LTF: variants seen among roughly 807,000 people sequenced by gnomAD.
LTF encodes lactotransferrin, also known as epididymis luminal protein 110.
In LTF, 91 loss-of-function variants were observed where a neutral mutation model predicts 87.2. That is an observed-to-expected ratio of 1.04 (90% CI 0.88 to 1.24). The LOEUF (loss-of-function observed/expected upper bound fraction) is 1.24, where lower values mean the gene tolerates loss of function less well. LTF is among the 50% of genes most tolerant of loss of function. The pLI is 0.00. For synonymous variants in LTF, 378 were observed against 356.1 expected (o/e 1.06, Z -0.69); for missense variants, 901 against 904.3 (o/e 1.00, Z 0.05).
At chr3:46,457,772 C>G (rs984137037) in intron 2 of LTF, among the ~76,000 whole-genome samples, 1 of 151,856 alleles carries the variant, frequency 6.6e-6, no homozygotes, top group African/African-American at 2.4e-5. Context: ...ACATTTTTTC[C>G]AATTTGGGTT....
intron 16 of LTF, 116 bp from the exon 17 acceptor site, chr3:46,436,345 T>C: frequency 4.4e-6 from 4 of 917,906 alleles, no homozygotes; most frequent in Non-Finnish European, 7.1e-6. Flanking sequence ...CTCCCATCAC[T>C]GAGTCAGTGC....
rs917814321 is a variant in LTF, at chr3:46,455,821, C to A, written c.474G>T (p.Thr158=). 1.9e-6 allele frequency: 3 copies of A among 1,588,514 alleles called. No homozygotes were observed. Among genetic ancestry groups the A allele is most frequent in the Non-Finnish European group, 2.6e-6 (3 of 1,167,504 alleles). ...CTGCCTCAATGGGCTCAGGTGGACC[C>A]GTCCAATTCAAGAATGGACGAAGTG... is the stretch of plus-strand genomic sequence containing the variant. The part of the protein sequence containing the change: ...IGTLRPFLNW[T]GPPEPIEAAV... The change falls in exon 4 of 17, where the codon ACG becomes ACT. Residue 158 remains threonine (T), a synonymous_variant. Transcript: ENST00000231751.
At chr3:46,474,182 AC>A (rs1454246669) in intron 1 of LTF, among the ~76,000 whole-genome samples, 1 of 152,222 alleles carries the variant, frequency 6.6e-6, no homozygotes, top group East Asian at 1.9e-4. Context: ...GGATTAAAAA[AC>A]ATAACCCAGC....
intron 15 of LTF, 140 bp downstream of exon 15, chr3:46,439,156 A>T: frequency 1.3e-6 from 1 of 762,628 alleles, no homozygotes; most frequent in East Asian, 2.7e-5. Flanking sequence ...ACGCCACAGC[A>T]TGAAGCCAAT....
upstream of LTF, among the ~76,000 whole-genome samples, chr3:46,467,060 C>T (rs1262805901): frequency 6.6e-6 from 1 of 152,158 alleles, no homozygotes; most frequent in African/African-American, 2.4e-5. Flanking sequence ...GACTGTTTTC[C>T]TGCTGTGCCT....
chr3:46,477,612 T>C (rs1466597113), intron 1 of LTF, among the ~76,000 whole-genome samples: 2 of 152,214 alleles, frequency 1.3e-5, no homozygotes, highest in African/African-American at 4.8e-5. Flanking sequence ...CTCATAAAAT[T>C]GTTAGAACTT....
intron 5 of LTF, 114 bp downstream of exon 5, chr3:46,455,181 C>T: frequency 7.8e-7 from 1 of 1,278,652 alleles, no homozygotes; most frequent in East Asian, 2.3e-5. Flanking sequence ...GGAGAACAGA[C>T]CTCCTCTCGT....
intron 1 of LTF, chr3:46,470,537 G>A (rs576101229): frequency 8.5e-5 from 13 of 152,412 alleles, no homozygotes; most frequent in African/African-American, 3.1e-4. Context: ...GGAGTGAGGA[G>A]GCATGATTTT....
upstream of LTF, among the ~76,000 whole-genome samples, chr3:46,466,670 A>G (rs561828330): frequency 9.1e-4 from 139 of 152,332 alleles, no homozygotes; most frequent in Non-Finnish European, 1.0e-3. Flanking sequence ...TTTTGGGGTG[A>G]CAGATCCAAG....
At chr3:46,452,608 C>T (rs1702830269) in intron 6 of LTF, among the ~76,000 whole-genome samples, 1 of 152,204 alleles carries the variant, frequency 6.6e-6, no homozygotes, top group Admixed American at 6.5e-5. Flanking sequence ...CACTGGCTCT[C>T]TCTCTTTCTC....
intron 1 of LTF, among the ~76,000 whole-genome samples, chr3:46,475,433 A>C (rs1703347531): frequency 6.6e-6 from 1 of 152,106 alleles, no homozygotes; most frequent in Non-Finnish European, 1.5e-5. Flanking sequence ...TTAGCAAGAG[A>C]GAAAAAGGAG....
chr3:46,449,120 G>A (rs904960636), intron 8 of LTF, 103 bp from the exon 9 acceptor site: 3 of 1,107,136 alleles, frequency 2.7e-6, no homozygotes, highest in African/African-American at 3.1e-5. Flanking sequence ...TGGAACAGGA[G>A]CTACAGTACA....
At chr3:46,447,562 A>G (rs1702686847) in intron 9 of LTF, among the ~76,000 whole-genome samples, 164 bp from the exon 10 acceptor site, 1 of 152,218 alleles carries the variant, frequency 6.6e-6, no homozygotes, top group Non-Finnish European at 1.5e-5. Flanking sequence ...CGTGTGCACC[A>G]CTAATTCTCT....
At chr3:46,463,183 A>G (rs1367650777) in intron 1 of LTF, among the ~76,000 whole-genome samples, 1 of 152,192 alleles carries the variant, frequency 6.6e-6, no homozygotes, top group Non-Finnish European at 1.5e-5. Flanking sequence ...TCAGGCACTC[A>G]GATGCTGCCC....
intron 2 of LTF, among the ~76,000 whole-genome samples, chr3:46,457,738 A>T (rs1261619027): frequency 6.6e-6 from 1 of 152,164 alleles, no homozygotes. Context: ...AACTCTGTTC[A>T]TATCATTTTT....
At position 46,482,531 on chromosome 3, in the gene LTF, AAGGGAAGGGAAGGGAAGGGAAGGGAAGGG is replaced by A. The variant is rs1559614485; in HGVS notation, c.-320+2426_-320+2454del. On this transcript the variant is annotated intron_variant, in intron 1 of 19. Transcript: ENST00000443496. ...AAGGGAAGGGAAGGGAAGGGAAGGGAAGGGAAGGGAAGGGAAGGGAAGGGAAGGGAAGGGAAGGGAAAGGAAAGGAAGGG... is the reference window on the plus strand; with the variant it reads ...AAGGGAAGGGAAGGGAAGGGAAGGGAAAGGGAAGGGAAAGGAAAGGAAGGG... Among the ~76,000 whole-genome samples the A allele has an allele frequency of 4.2e-3, 373 of 89,260 alleles. 21 individuals carry two copies. Among genetic ancestry groups the A allele is most frequent in the African/African-American group, 0.013 (233 of 18,344 alleles). 58.6% of individuals were successfully genotyped at this position (89,260 alleles called of 152,430 possible).
At chr3:46,446,859 A>G (rs762147972) in intron 10 of LTF, among the ~76,000 whole-genome samples, 1 of 152,230 alleles carries the variant, frequency 6.6e-6, no homozygotes, top group African/African-American at 2.4e-5. Flanking sequence ...AATTCCTTTA[A>G]CATGAAGTTT....
chr3:46,444,846 A>G (rs916756289), intron 12 of LTF, among the ~76,000 whole-genome samples: 13 of 152,194 alleles, frequency 8.5e-5, no homozygotes, highest in African/African-American at 3.1e-4. Context: ...GGTCTTATTC[A>G]GGCTCCGTTG....
At chr3:46,468,363 A>G, upstream of LTF, 1 of 456,282 alleles carries the variant, frequency 2.2e-6, no homozygotes, top group Non-Finnish European at 4.4e-6. Flanking sequence ...TGAGACAGTA[A>G]CATGAGTTTA....
Sources: gnomAD v4.1 joint callset for allele counts (sites outside exome capture counted in the v4.1 genomes callset) on GRCh38, gnomAD v4.1.1 for gene constraint, MANE v1.5 for transcripts, NCBI Gene and HGNC (gene_info 2026-07-23, HGNC 2026-07-21) for gene names.